Variants in CCDC148 observed in about 807,000 individuals in gnomAD.
CCDC148 encodes the protein coiled-coil domain-containing protein 148.
In CCDC148, 89 loss-of-function variants were observed where a neutral mutation model predicts 85.7. The ratio of observed to expected loss-of-function variants is 1.04; its 90% CI spans 0.87 to 1.24. The LOEUF (loss-of-function observed/expected upper bound fraction) is 1.24. Among genes scored for constraint, CCDC148 ranks in the 50% most tolerant of loss-of-function variants. The probability of loss-of-function intolerance (pLI) is 0.00; values close to 1 mark genes in which losing one functional copy is unlikely to be tolerated. For synonymous variants in CCDC148, 230 were observed against 213.9 expected (o/e 1.08, Z -0.66); for missense variants, 692 against 671.7 (o/e 1.03, Z -0.33).
At chr2:158,425,170 G>A in intron 1 of CCDC148, 1 of 523,402 alleles carries the variant, frequency 1.9e-6, no homozygotes. Context: ...GGCTATGGCA[G>A]ATATGATCAT....
At chr2:158,310,547 C>T (rs1019223518) in intron 8 of CCDC148, among the ~76,000 whole-genome samples, 3 of 150,326 alleles carry the variant, frequency 2.0e-5, no homozygotes, top group African/African-American at 4.9e-5. Flanking sequence ...CAGGTAGAGG[C>T]GCCCCCCACC....
At chr2:158,217,605 C>T (rs1261387989) in intron 11 of CCDC148, among the ~76,000 whole-genome samples, 1 of 151,966 alleles carries the variant, frequency 6.6e-6, no homozygotes, top group African/African-American at 2.4e-5. Flanking sequence ...AGGGTTTCAC[C>T]ATGTTAGCCA....
chr2:158,258,615 C>G (rs1689099289), intron 9 of CCDC148, among the ~76,000 whole-genome samples: 1 of 151,786 alleles, frequency 6.6e-6, no homozygotes, highest in Non-Finnish European at 1.5e-5. Flanking sequence ...CCTAACACTG[C>G]CTGTCCCTGA....
chr2:158,345,259 G>A lies in CCDC148; in HGVS notation c.207C>T (p.His69=). The A allele has an allele frequency of 6.2e-7, 1 of 1,613,502 alleles. No homozygotes were observed. Among genetic ancestry groups the A allele is most frequent in the South Asian group, 1.1e-5 (1 of 91,052 alleles). The change falls in exon 3 of 14, where the codon CAC becomes CAT. Residue 69 remains histidine, a synonymous_variant. Coordinates refer to ENST00000283233, the MANE Select transcript of CCDC148 (RefSeq NM_138803.4). The part of the protein sequence containing the change: ...LSKEQTLIKQ[H]KQVWWQEYQR... ...GGTATTCCTGCCACCACACTTGCTT[G>A]TGTTGTTTTATTAGTGTTTGTTCTT...
chr2:158,396,346 C>G (rs1685522287), intron 1 of CCDC148, among the ~76,000 whole-genome samples: 1 of 152,022 alleles, frequency 6.6e-6, no homozygotes, highest in Non-Finnish European at 1.5e-5. Context: ...GACATATGTT[C>G]TCCAACAACC....
rs1162626671 is a variant in CCDC148 at position 158,345,305 on chromosome 2, A to G, written c.161T>C (p.Met54Thr). 2.5e-6 allele frequency: 4 copies of G among 1,612,182 alleles called. No homozygotes were observed. Among genetic ancestry groups the G allele is most frequent in the East Asian group, 2.2e-5 (1 of 44,692 alleles). Residue 54 changes from methionine to threonine, a missense_variant, in exon 3 of 14, where the codon ATG becomes ACG. Coordinates refer to ENST00000283233, the MANE Select transcript of CCDC148 (RefSeq NM_138803.4). ...TTCTTTGGATAACTTTGAAGTCAACATTGCTTTTCTGATCTAGATTTAGAG... is the reference window on the plus strand; with the variant it reads ...TTCTTTGGATAACTTTGAAGTCAACGTTGCTTTTCTGATCTAGATTTAGAG... ...ASAKLKIRKA[M>T]LTSKLSKEQT...
At chr2:158,333,053 G>C (rs2105234721) in intron 7 of CCDC148, among the ~76,000 whole-genome samples, 1 of 152,118 alleles carries the variant, frequency 6.6e-6, no homozygotes, top group African/African-American at 2.4e-5. Flanking sequence ...TCTGATCTTA[G>C]TTATTTCTTG....
chr2:158,272,998 G>A lies in CCDC148; in HGVS notation c.1111-22086C>T, dbSNP rs576013655. On this transcript the variant is annotated intron_variant, in intron 9 of 13. Coordinates refer to ENST00000283233, the MANE Select transcript of CCDC148 (RefSeq NM_138803.4). ...CAATTTAAAAAGGATTTAAAGCCTT[G>A]GAAACATATGAAGTGGATTCACTTT... Among the ~76,000 whole-genome samples, 11 of 152,208 alleles carry A rather than the reference G, an allele frequency of 7.2e-5. No homozygotes were observed. In the East Asian group the frequency reaches 2.1e-3, roughly 29 times the overall value.
chr2:158,363,784 A>C (rs1011533848), intron 1 of CCDC148, among the ~76,000 whole-genome samples: 6 of 152,176 alleles, frequency 3.9e-5, no homozygotes, highest in African/African-American at 1.4e-4. Context: ...CACCACTCCT[A>C]TTCAACATAG....
At chr2:158,223,147 C>G (rs9808130) in intron 10 of CCDC148, among the ~76,000 whole-genome samples, 3,590 of 152,274 alleles carry the variant, frequency 0.024, 125 homozygotes, top group African/African-American at 0.077. Flanking sequence ...AAGGTTTTAG[C>G]AAAGGGCACA....
intron 1 of CCDC148, among the ~76,000 whole-genome samples, chr2:158,377,176 T>A (rs977786529): frequency 6.6e-6 from 1 of 151,288 alleles, no homozygotes; most frequent in Non-Finnish European, 1.5e-5. Flanking sequence ...TCAATGTCTA[T>A]GAAAACTAGG....
chr2:158,180,501 C>T (rs745379395), intron 11 of CCDC148, among the ~76,000 whole-genome samples: 8 of 152,104 alleles, frequency 5.3e-5, no homozygotes, highest in African/African-American at 2.4e-5. Flanking sequence ...GAGGCAGTAT[C>T]TGAGCAGGGT....
intron 7 of CCDC148, among the ~76,000 whole-genome samples, chr2:158,335,980 C>T (rs1369330839): frequency 6.6e-6 from 1 of 152,158 alleles, no homozygotes; most frequent in Non-Finnish European, 1.5e-5. Flanking sequence ...ATGATGTCCA[C>T]TGCCTTCAGC....
At chr2:158,211,052 G>A (rs1009648498) in intron 11 of CCDC148, among the ~76,000 whole-genome samples, 1 of 151,914 alleles carries the variant, frequency 6.6e-6, no homozygotes, top group African/African-American at 2.4e-5. Flanking sequence ...GGGGGCTAGG[G>A]GAGGGATAGC....
intron 1 of CCDC148, among the ~76,000 whole-genome samples, chr2:158,397,633 TA>T (rs1356661258): frequency 2.6e-5 from 4 of 152,044 alleles, no homozygotes; most frequent in Non-Finnish European, 1.5e-5. Flanking sequence ...AAGGAAGCCA[TA>T]AACATGGAAA....
chr2:158,182,457 A>G (rs1684950456), intron 11 of CCDC148, among the ~76,000 whole-genome samples: 1 of 152,154 alleles, frequency 6.6e-6, no homozygotes, highest in African/African-American at 2.4e-5. Context: ...AACAACAGGG[A>G]GTCATTGGTG....
chr2:158,322,934 T>C (rs1174197863), intron 7 of CCDC148, among the ~76,000 whole-genome samples: 1 of 152,194 alleles, frequency 6.6e-6, no homozygotes, highest in Non-Finnish European at 1.5e-5. Flanking sequence ...TTTCCACATA[T>C]TGACTTCATA....
intron 3 of CCDC148, 28 bp from the exon 4 acceptor site, chr2:158,340,708 T>G: frequency 7.6e-7 from 1 of 1,307,766 alleles, no homozygotes; most frequent in Non-Finnish European, 1.1e-6. Flanking sequence ...TCAATAAATG[T>G]TACAATCATA....
At chr2:158,354,497 C>T (rs1041133487) in intron 2 of CCDC148, among the ~76,000 whole-genome samples, 2 of 151,786 alleles carry the variant, frequency 1.3e-5, no homozygotes, top group African/African-American at 4.8e-5. Context: ...ATAAATTCCT[C>T]GACACATACA....
Sources: gnomAD v4.1 joint callset for allele counts (sites outside exome capture counted in the v4.1 genomes callset) on GRCh38, gnomAD v4.1.1 for gene constraint, MANE v1.5 for transcripts, NCBI Gene and HGNC (gene_info 2026-07-23, HGNC 2026-07-21) for gene names.